Variants in GPC5 observed in about 807,000 individuals in gnomAD.
The protein encoded by GPC5 is glypican-5.
In GPC5, 47 loss-of-function variants were observed where a neutral mutation model predicts 53.9. That is an observed-to-expected ratio of 0.87 (90% CI 0.69 to 1.11). GPC5 has a LOEUF of 1.11. Among genes scored for constraint, GPC5 ranks in the 50% most tolerant of loss-of-function variants. The pLI, the probability that GPC5 is intolerant of heterozygous loss-of-function variation, is 0.00. For synonymous variants in GPC5, 286 were observed against 263.3 expected (o/e 1.09, Z -0.84); for missense variants, 748 against 713.1 (o/e 1.05, Z -0.56).
chr13:92,566,854 T>G (rs918699093), intron 7 of GPC5, among the ~76,000 whole-genome samples: 3 of 152,142 alleles, frequency 2.0e-5, no homozygotes, highest in African/African-American at 7.2e-5. Flanking sequence ...TTAAAGAGAT[T>G]ACCAAATTTG....
intron 2 of GPC5, among the ~76,000 whole-genome samples, chr13:91,522,071 T>A (rs956079141): frequency 2.6e-5 from 4 of 152,292 alleles, no homozygotes; most frequent in African/African-American, 9.6e-5. Flanking sequence ...TCCCCAGGAG[T>A]GCCACCATCC....
At chr13:92,577,781 A>AAAAAGT (rs59114657) in intron 7 of GPC5, among the ~76,000 whole-genome samples, 26,865 of 151,910 alleles carry the variant, frequency 0.18, 2,337 homozygotes, top group South Asian at 0.21. Context: ...TTTACAGAAG[A>AAAAAGT]AAAAGTAAAT....
chr13:92,049,966 G>A (rs1233486901), intron 6 of GPC5, among the ~76,000 whole-genome samples: 1 of 152,054 alleles, frequency 6.6e-6, no homozygotes, highest in African/African-American at 2.4e-5. Flanking sequence ...GTGGAAAGGA[G>A]AAAAAGCTGG....
At chr13:92,677,876 CAG>C (rs1444628539) in intron 7 of GPC5, among the ~76,000 whole-genome samples, 3 of 152,146 alleles carry the variant, frequency 2.0e-5, no homozygotes, top group African/African-American at 7.2e-5. Flanking sequence ...CACTAATCTT[CAG>C]CTCGGTGGGT....
At chr13:92,277,864 G>A (rs1258680598) in intron 7 of GPC5, among the ~76,000 whole-genome samples, 1 of 151,750 alleles carries the variant, frequency 6.6e-6, no homozygotes, top group Admixed American at 6.6e-5. Context: ...GGGCAGTAAG[G>A]TCTAACTCCT....
intron 2 of GPC5, among the ~76,000 whole-genome samples, chr13:91,629,364 T>G (rs1566565826): frequency 6.6e-6 from 1 of 152,074 alleles, no homozygotes; most frequent in Non-Finnish European, 1.5e-5. Context: ...TTTTTCAGGC[T>G]GGGCATGATG....
intron 7 of GPC5, among the ~76,000 whole-genome samples, chr13:92,452,138 C>A (rs140454611): frequency 6.8e-4 from 103 of 152,168 alleles, no homozygotes; most frequent in Non-Finnish European, 1.3e-3. Flanking sequence ...TACTATAGGA[C>A]TTTATTTTTA....
chr13:91,723,239 G>A (rs35615741), intron 3 of GPC5, among the ~76,000 whole-genome samples: 3,202 of 150,602 alleles, frequency 0.021, 53 homozygotes, highest in Non-Finnish European at 0.032. Flanking sequence ...CCTTTTTTGT[G>A]GGGTGGGGAC....
At chr13:91,584,594 T>G (rs2032489775) in intron 2 of GPC5, among the ~76,000 whole-genome samples, 2 of 152,118 alleles carry the variant, frequency 1.3e-5, no homozygotes, top group Non-Finnish European at 2.9e-5. Context: ...TTTTTTTTTT[T>G]TCATACAGAG....
chr13:91,958,053 T>C (rs893059485), intron 6 of GPC5, among the ~76,000 whole-genome samples: 1 of 151,490 alleles, frequency 6.6e-6, no homozygotes, highest in African/African-American at 2.4e-5. Context: ...TATAAACATA[T>C]TGAACTGCCC....
chr13:92,239,165 T>TCC (rs140035488), intron 7 of GPC5, among the ~76,000 whole-genome samples: 1 of 149,984 alleles, frequency 6.7e-6, no homozygotes, highest in Non-Finnish European at 1.5e-5. Flanking sequence ...TTTTTTTTTT[T>TCC]TCAAGATTCT....
chr13:91,541,180 G>A (rs1394301939), intron 2 of GPC5, among the ~76,000 whole-genome samples: 1 of 152,026 alleles, frequency 6.6e-6, no homozygotes, highest in Non-Finnish European at 1.5e-5. Context: ...TAGAAATTGA[G>A]TTTTTAAGTG....
chr13:92,437,490 A>C (rs1346295018), intron 7 of GPC5, among the ~76,000 whole-genome samples: 1 of 152,152 alleles, frequency 6.6e-6, no homozygotes, highest in Non-Finnish European at 1.5e-5. Context: ...ATACCTTAAG[A>C]AGAAAAAAAT....
At chr13:91,980,981 A>G (rs1358815906) in intron 6 of GPC5, among the ~76,000 whole-genome samples, 5 of 152,202 alleles carry the variant, frequency 3.3e-5, no homozygotes, top group African/African-American at 9.6e-5. Context: ...CTATACCAAC[A>G]TTTTTAGAAA....
intron 2 of GPC5, among the ~76,000 whole-genome samples, chr13:91,507,572 A>G (rs1332724968): frequency 1.3e-5 from 2 of 152,174 alleles, no homozygotes; most frequent in Admixed American, 1.3e-4. Flanking sequence ...ACCCACCCCC[A>G]TGATTCAGTC....
chr13:91,539,198 GC>G (rs1304361753), intron 2 of GPC5, among the ~76,000 whole-genome samples: 2 of 152,100 alleles, frequency 1.3e-5, no homozygotes, highest in African/African-American at 4.8e-5. Flanking sequence ...ATGTTGAAAA[GC>G]TTTTTTTTAA....
At chr13:92,444,768 A>G (rs1877730376) in intron 7 of GPC5, among the ~76,000 whole-genome samples, 1 of 151,650 alleles carries the variant, frequency 6.6e-6, no homozygotes, top group South Asian at 2.1e-4. Context: ...GGGTAGAGAA[A>G]GAAAGAAACC....
chr13:92,851,871 G>A (rs1427538444), intron 7 of GPC5, among the ~76,000 whole-genome samples: 1 of 128,874 alleles, frequency 7.8e-6, no homozygotes, highest in African/African-American at 3.0e-5. Flanking sequence ...CTGAGTGACA[G>A]AGCAAGACTC....
At chr13:92,282,439 T>C (rs1448976700) in intron 7 of GPC5, among the ~76,000 whole-genome samples, 1 of 151,984 alleles carries the variant, frequency 6.6e-6, no homozygotes, top group African/African-American at 2.4e-5. Flanking sequence ...CCAAGACACA[T>C]AATTGTCAGA....
Sources: gnomAD v4.1 joint callset for allele counts (sites outside exome capture counted in the v4.1 genomes callset) on GRCh38, gnomAD v4.1.1 for gene constraint, MANE v1.5 for transcripts, NCBI Gene and HGNC (gene_info 2026-07-23, HGNC 2026-07-21) for gene names.